The following GDA variants were observed in gnomAD, a reference collection of about 807,000 sequenced individuals.
The protein encoded by GDA is cytoplasmic PSD-95 interactor.
GDA carries 18 observed loss-of-function variants against 59.6 expected under a neutral mutation model. The observed-to-expected ratio is 0.30, with a 90% CI of 0.21 to 0.45. The LOEUF (loss-of-function observed/expected upper bound fraction) is 0.45. GDA is among the 20% of genes least tolerant of loss of function. The probability of loss-of-function intolerance (pLI) is 1.00; values close to 1 mark genes in which losing one functional copy is unlikely to be tolerated. For missense variants in GDA, 427 were observed against 552.3 expected, an observed-to-expected ratio of 0.77 and a Z score of 2.27; for synonymous variants, 201 against 201.1, an observed-to-expected ratio of 1.00 and a Z score of 0.00.
intron 10 of GDA, 44 bp downstream of exon 10, chr9:72,231,225 C>T: frequency 1.0e-6 from 1 of 999,834 alleles, no homozygotes. Context: ...TGGTTGATTA[C>T]TGTGTAATTT....
Position 72,230,804 on chromosome 9 carries a change from G to A in GDA, c.921-310G>A, listed in dbSNP as rs796997197. ...TAGAAAATATTAAAGACAGATAAAAGACTTTTGTATTAATTGCAAAGTTTG... is the reference window on the plus strand; with the variant it reads ...TAGAAAATATTAAAGACAGATAAAAAACTTTTGTATTAATTGCAAAGTTTG... On this transcript the variant is annotated intron_variant, in intron 9 of 13. Transcript: ENST00000358399. Among the ~76,000 whole-genome samples, 45 of 152,206 alleles carry A rather than the reference G, an allele frequency of 3.0e-4. 1 individual carries two copies. The Middle Eastern group carries it at 0.01, about 35-fold the overall frequency.
At chr9:72,243,417 A>G (rs1363888350) in intron 11 of GDA, among the ~76,000 whole-genome samples, 7 of 152,234 alleles carry the variant, frequency 4.6e-5, no homozygotes, top group Non-Finnish European at 7.3e-5. Flanking sequence ...TATCTGGCCT[A>G]TTAAATGCAC....
At chr9:72,184,503 A>G (rs1831630254) in intron 1 of GDA, among the ~76,000 whole-genome samples, 3 of 152,206 alleles carry the variant, frequency 2.0e-5, no homozygotes. Context: ...TATGCATGTA[A>G]GATTCTCTAT....
chr9:72,116,538 A>G (rs1231916555), intron 1 of GDA, among the ~76,000 whole-genome samples: 1 of 151,838 alleles, frequency 6.6e-6, no homozygotes, highest in African/African-American at 2.4e-5. Context: ...GTGCGCCACC[A>G]TGCCCAGCTA....
intron 1 of GDA, among the ~76,000 whole-genome samples, chr9:72,115,979 A>G (rs868133073): frequency 2.6e-5 from 4 of 152,198 alleles, no homozygotes; most frequent in Non-Finnish European, 5.9e-5. Context: ...CACGCCTGTA[A>G]TCCCAGCACT....
At chr9:72,241,051 A>G (rs1015373877) in intron 10 of GDA, 101 bp from the exon 11 acceptor site, 2 of 732,054 alleles carry the variant, frequency 2.7e-6, no homozygotes. Context: ...TAAAAAAAGT[A>G]TATTAAGGAC....
chr9:72,148,926 A>T (rs928584446), upstream of GDA, among the ~76,000 whole-genome samples: 3 of 152,232 alleles, frequency 2.0e-5, no homozygotes, highest in East Asian at 5.8e-4. Flanking sequence ...AACCAAAAAC[A>T]TTAGCCTCAA....
At position 72,250,538 on chromosome 9, in the gene GDA, A is replaced by G. The variant is rs780593184; in HGVS notation, c.*2196A>G. On this transcript the variant is annotated 3_prime_UTR_variant, in exon 14 of 14. Coordinates refer to ENST00000358399, the MANE Select transcript of GDA (RefSeq NM_004293.5). Reference sequence around the variant, plus strand: ...GATCTCTCCACATCACTTATAACTTATGTGTTTTATTTCTCCAAGTGCGGT... The same window carrying G: ...GATCTCTCCACATCACTTATAACTTGTGTGTTTTATTTCTCCAAGTGCGGT... 10 of 1,427,648 alleles carry G rather than the reference A, an allele frequency of 7.0e-6. No individual in the cohort carries two copies. Among genetic ancestry groups the G allele is most frequent in the Non-Finnish European group, 8.2e-6 (9 of 1,094,956 alleles). 88.4% of individuals were successfully genotyped at this position (1,427,648 alleles called of 1,614,324 possible).
At position 72,229,171 on chromosome 9, in the gene GDA, T is replaced by TAA. The variant is rs34554102; in HGVS notation, c.920+1158_920+1159dup. Reference sequence around the variant, plus strand: ...TAACACGGTGAAACCCAGTCTCTACTAAAAAAAAAAAAAAAAAAAAAAAAA... The same window carrying TAA: ...TAACACGGTGAAACCCAGTCTCTACTAAAAAAAAAAAAAAAAAAAAAAAAAAA... On this transcript the variant is annotated intron_variant, in intron 9 of 13. Transcript: ENST00000358399. The TAA allele has an allele frequency of 3.6e-3, 153 of 42,312 alleles. 3 individuals carry two copies. Among genetic ancestry groups the TAA allele is most frequent in the Middle Eastern group, 0.013 (1 of 76 alleles). 2.6% of individuals were successfully genotyped at this position (42,312 alleles called of 1,614,324 possible).
chr9:72,248,441 C>G lies in GDA; in HGVS notation c.*99C>G, dbSNP rs1214737167. The G allele has an allele frequency of 6.4e-7, 1 of 1,567,734 alleles. No individual in the cohort carries two copies. The highest frequency in any genetic ancestry group is 1.9e-5 in the Admixed American group (1 of 51,414). On this transcript the variant is annotated 3_prime_UTR_variant, in exon 14 of 14. Transcript: ENST00000358399. ...GAAAGTCAAAAAATAGTACCTTGTTCTTGGGATGACTATCCCTTTCTGTGT... is the reference window on the plus strand; with the variant it reads ...GAAAGTCAAAAAATAGTACCTTGTTGTTGGGATGACTATCCCTTTCTGTGT...
At chr9:72,153,971 AAAT>A (rs923754733) in intron 1 of GDA, among the ~76,000 whole-genome samples, 11 of 152,294 alleles carry the variant, frequency 7.2e-5, no homozygotes, top group Middle Eastern at 3.4e-3. Context: ...AATAAAAAAA[AAAT>A]ATAGACTCTA....
At chr9:72,154,981 A>C (rs1270013818) in intron 1 of GDA, among the ~76,000 whole-genome samples, 1 of 152,158 alleles carries the variant, frequency 6.6e-6, no homozygotes, top group Non-Finnish European at 1.5e-5. Context: ...TAATAAATTA[A>C]CAGAATCTGC....
At chr9:72,192,354 C>A (rs981259231) in intron 1 of GDA, among the ~76,000 whole-genome samples, 2 of 148,430 alleles carry the variant, frequency 1.3e-5, no homozygotes, top group Non-Finnish European at 3.0e-5. Context: ...TGCTCAGCCT[C>A]CTGAGTAGCT....
intron 1 of GDA, among the ~76,000 whole-genome samples, chr9:72,140,320 C>G (rs1826393981): frequency 6.6e-6 from 1 of 152,066 alleles, no homozygotes; most frequent in Non-Finnish European, 1.5e-5. Context: ...ACCTTGTGAT[C>G]ATGAGGAGGG....
intron 1 of GDA, among the ~76,000 whole-genome samples, chr9:72,163,834 G>T (rs938651931): frequency 1.3e-5 from 2 of 152,206 alleles, no homozygotes; most frequent in African/African-American, 4.8e-5. Flanking sequence ...GCAGCTGTTA[G>T]ATAAAACTGT....
At chr9:72,221,174 G>A (rs1239511840) in intron 6 of GDA, among the ~76,000 whole-genome samples, 2 of 152,270 alleles carry the variant, frequency 1.3e-5, no homozygotes, top group East Asian at 3.9e-4. Flanking sequence ...ATAGTGCTCA[G>A]GAAGGCTGTA....
chr9:72,229,974 A>G (rs1838130970), intron 9 of GDA, among the ~76,000 whole-genome samples: 1 of 152,218 alleles, frequency 6.6e-6, no homozygotes, highest in South Asian at 2.1e-4. Context: ...CCTCTAAATT[A>G]AAGCATAATC....
chr9:72,191,979 C>T (rs1192649414), intron 1 of GDA, among the ~76,000 whole-genome samples: 2 of 152,016 alleles, frequency 1.3e-5, no homozygotes, highest in African/African-American at 2.4e-5. Flanking sequence ...ACTCTTCTTT[C>T]GATTAAGTGT....
chr9:72,178,664 C>T (rs768477928), intron 1 of GDA, among the ~76,000 whole-genome samples: 14 of 152,042 alleles, frequency 9.2e-5, no homozygotes, highest in South Asian at 2.1e-4. Context: ...GTGTTCTGCC[C>T]GCCTTGGCCT....
Sources: gnomAD v4.1 joint callset for allele counts (sites outside exome capture counted in the v4.1 genomes callset) on GRCh38, gnomAD v4.1.1 for gene constraint, MANE v1.5 for transcripts, NCBI Gene and HGNC (gene_info 2026-07-23, HGNC 2026-07-21) for gene names.